The following PLA2R1 variants were observed in gnomAD, a reference collection of about 807,000 sequenced individuals.
The protein encoded by PLA2R1 is secretory phospholipase A2 receptor.
A neutral mutation model predicts 195.9 loss-of-function variants in PLA2R1; 158 were observed. The observed-to-expected ratio is 0.81, with a 90% CI of 0.71 to 0.92. The LOEUF (loss-of-function observed/expected upper bound fraction) is 0.92, where lower values mean the gene tolerates loss of function less well. Among genes scored for constraint, PLA2R1 ranks in the 40% least tolerant of loss-of-function variants. The pLI, the probability that PLA2R1 is intolerant of heterozygous loss-of-function variation, is 0.00. For synonymous variants in PLA2R1, 586 were observed against 598.2 expected (o/e 0.98, Z 0.30); for missense variants, 1,626 against 1,764.6 (o/e 0.92, Z 1.41).
intron 1 of PLA2R1, among the ~76,000 whole-genome samples, chr2:160,062,094 G>A (rs966508182): frequency 3.3e-5 from 5 of 151,832 alleles, no homozygotes; most frequent in Non-Finnish European, 7.4e-5. Context: ...CCGCGCAAGT[G>A]GGGTGCTGGG....
chr2:160,024,104 A>C (rs62175484), intron 6 of PLA2R1, among the ~76,000 whole-genome samples: 53,582 of 151,952 alleles, frequency 0.35, 12,371 homozygotes, highest in Non-Finnish European at 0.53. Flanking sequence ...TGCCTCAGAG[A>C]AAGTTCTGAT....
intron 1 of PLA2R1, among the ~76,000 whole-genome samples, chr2:160,045,512 G>A (rs56297666): frequency 3.9e-5 from 6 of 152,018 alleles, no homozygotes; most frequent in Middle Eastern, 3.2e-3. Flanking sequence ...CAGGGCTCCC[G>A]GGGAGGGACA....
At chr2:160,034,703 C>G (rs528081621) in intron 3 of PLA2R1, among the ~76,000 whole-genome samples, 1 of 152,036 alleles carries the variant, frequency 6.6e-6, no homozygotes, top group African/African-American at 2.4e-5. Context: ...GAGGCTGAAG[C>G]GGGAGGATCA....
intron 2 of PLA2R1, among the ~76,000 whole-genome samples, chr2:160,042,804 T>TGC (rs1216512065): frequency 5.8e-5 from 1 of 17,260 alleles, no homozygotes; most frequent in Non-Finnish European, 1.0e-4. Context: ...TGTGTGCGTG[T>TGC]GTGTGTGTGT....
In PLA2R1 at chr2:159,936,457, T is replaced by G. The variant is rs1686839655; in HGVS notation, c.*5321A>C. 6.6e-6 allele frequency: 1 copy of G among 152,218 alleles called. No homozygotes were observed. Among genetic ancestry groups the G allele is most frequent in the South Asian group, 2.1e-4 (1 of 4,834 alleles). The allele number at this position is 152,218 out of a possible 1,614,324, so 9.4% of individuals were successfully genotyped here. A position where few individuals can be genotyped will look rare whatever the true frequency, so the allele number is the denominator to read the frequency against. On this transcript the variant is annotated 3_prime_UTR_variant, in exon 30 of 30. Coordinates refer to ENST00000283243, the MANE Select transcript of PLA2R1 (RefSeq NM_007366.5). ...GAAATGGATATATCATAGATAAAAA[T>G]TAATTAGTATTAAAAACTGCTAGTA... is the stretch of plus-strand genomic sequence containing the variant.
At chr2:160,013,123 A>G in intron 10 of PLA2R1, 140 bp downstream of exon 10, 2 of 414,226 alleles carry the variant, frequency 4.8e-6, no homozygotes, top group South Asian at 1.1e-4. Flanking sequence ...ATTCATCTCA[A>G]TAAATAACTT....
chr2:159,956,165 T>C (rs948395817), intron 21 of PLA2R1, among the ~76,000 whole-genome samples: 3 of 152,190 alleles, frequency 2.0e-5, no homozygotes. Flanking sequence ...AATAAAAGCA[T>C]GTAGGTAAAT....
Position 159,955,328 on chromosome 2 carries a change from T to C in PLA2R1, c.3172A>G (p.Thr1058Ala), listed in dbSNP as rs759224792. ...AGAGGAATGTGTTTCTGAACTTCAG[T>C]GGTATTGTGACTTGGAATCTTTAAA... ...DIINIPSHNT[T>A]EVQKHIPLCA... The change falls in exon 23 of 30, where the codon ACT becomes GCT. Residue 1058 changes from threonine to alanine, a missense_variant. Thr to Ala is a moderately conservative substitution (Grantham distance 58). Coordinates refer to ENST00000283243, the MANE Select transcript of PLA2R1 (RefSeq NM_007366.5). The C allele has an allele frequency of 3.8e-6, 6 of 1,599,034 alleles. No individual in the cohort carries two copies. In the South Asian group the frequency reaches 4.5e-5, roughly 12 times the overall value.
intron 23 of PLA2R1, among the ~76,000 whole-genome samples, chr2:159,954,600 T>G (rs1028476126): frequency 6.6e-6 from 1 of 151,974 alleles, no homozygotes; most frequent in Non-Finnish European, 1.5e-5. Flanking sequence ...TTGGGTGGTG[T>G]GGACAGGGAT....
intron 10 of PLA2R1, among the ~76,000 whole-genome samples, chr2:160,007,547 G>C (rs916494388): frequency 1.3e-5 from 2 of 152,222 alleles, no homozygotes; most frequent in Non-Finnish European, 2.9e-5. Flanking sequence ...GGCAGATGCC[G>C]GCAGGCCGTC....
chr2:160,024,804 A>G (rs1693392219), intron 6 of PLA2R1, among the ~76,000 whole-genome samples: 1 of 152,086 alleles, frequency 6.6e-6, no homozygotes, highest in African/African-American at 2.4e-5. Context: ...TAGTCCCACA[A>G]AGCCTGAACT....
At position 159,951,243 on chromosome 2, in the gene PLA2R1, TC is replaced by T; in HGVS notation, c.3540+96del. On this transcript the variant is annotated intron_variant, in intron 24 of 29. Transcript: ENST00000283243. ...GTTATATTTATTAATATTTTTGGGA[TC>T]TTTTTTTCAGTGCTAATTTCAGTGG... The T allele has an allele frequency of 2.2e-5, 16 of 720,084 alleles. No individual in the cohort carries two copies. The South Asian group carries it at 2.7e-4, about 12-fold the overall frequency. 44.6% of individuals were successfully genotyped at this position (720,084 alleles called of 1,614,324 possible).
At chr2:160,022,134 T>C (rs1187761228) in intron 7 of PLA2R1, among the ~76,000 whole-genome samples, 1 of 152,208 alleles carries the variant, frequency 6.6e-6, no homozygotes, top group Non-Finnish European at 1.5e-5. Flanking sequence ...CATAAGTCTA[T>C]GTCAAATACA....
At chr2:160,036,532 G>A (rs977901052) in intron 3 of PLA2R1, among the ~76,000 whole-genome samples, 7 of 152,120 alleles carry the variant, frequency 4.6e-5, no homozygotes, top group Non-Finnish European at 8.8e-5. Context: ...CATAGTTAAC[G>A]GTTCAGGCCC....
At position 160,044,936 on chromosome 2, in the gene PLA2R1, C is replaced by A. The variant is rs139879340; in HGVS notation, c.331G>T (p.Val111Phe). 1 of 1,614,108 alleles carries A rather than the reference C, an allele frequency of 6.2e-7. No individual in the cohort carries two copies. Among genetic ancestry groups the A allele is most frequent in the Non-Finnish European group, 8.5e-7 (1 of 1,180,012 alleles). The change falls in exon 2 of 30, where the codon GTT (valine) becomes TTT (phenylalanine). Residue 111 changes from valine to phenylalanine, a missense_variant. Coordinates refer to ENST00000283243, the MANE Select transcript of PLA2R1 (RefSeq NM_007366.5). ...CTGTTACAGCGCCACCGTAAGGAAA[C>A]GAGGGTGGAGTCACATTCATATAAG... Reference protein sequence around the residue: ...LSLYECDSTLVSLRWRCNRKM... With the variant: ...LSLYECDSTLFSLRWRCNRKM...
chr2:160,021,865 T>A (rs1482471872), intron 7 of PLA2R1, among the ~76,000 whole-genome samples: 1 of 152,194 alleles, frequency 6.6e-6, no homozygotes, highest in East Asian at 1.9e-4. Context: ...GCTGCAAAAG[T>A]AATTAAAACT....
intron 1 of PLA2R1, among the ~76,000 whole-genome samples, chr2:160,057,749 T>G (rs994645460): frequency 6.6e-6 from 1 of 152,176 alleles, no homozygotes; most frequent in Non-Finnish European, 1.5e-5. Flanking sequence ...CCTACTCATG[T>G]TTTTACCTCC....
intron 7 of PLA2R1, among the ~76,000 whole-genome samples, chr2:160,021,568 C>A (rs1428325343): frequency 6.6e-6 from 1 of 152,106 alleles, no homozygotes; most frequent in Non-Finnish European, 1.5e-5. Flanking sequence ...TAAGTGGGAG[C>A]TAAACAATGG....
chr2:159,935,749 T>A lies in PLA2R1; in HGVS notation c.*6029A>T, dbSNP rs1258900190. The stretch of plus-strand genomic sequence containing the variant: ...CCTTTGACTGGAGATACTACAACAA[T>A]TTGAATTCTATCATAATCTATTTAA... On this transcript the variant is annotated 3_prime_UTR_variant, in exon 30 of 30. Coordinates refer to ENST00000283243, the MANE Select transcript of PLA2R1 (RefSeq NM_007366.5). 6.6e-6 allele frequency: 1 copy of A among 152,220 alleles called. No individual in the cohort carries two copies. The highest frequency in any genetic ancestry group is 6.5e-5 in the Admixed American group (1 of 15,284). The allele number at this position is 152,220 out of a possible 1,614,324, so 9.4% of individuals were successfully genotyped here.
Sources: gnomAD v4.1 joint callset for allele counts (sites outside exome capture counted in the v4.1 genomes callset) on GRCh38, gnomAD v4.1.1 for gene constraint, MANE v1.5 for transcripts, NCBI Gene and HGNC (gene_info 2026-07-23, HGNC 2026-07-21) for gene names.